The following TSPAN18 variants were observed in gnomAD, a reference collection of about 807,000 sequenced individuals.
The protein encoded by TSPAN18 is tetraspanin-18.
In TSPAN18, 14 loss-of-function variants were observed where a neutral mutation model predicts 27.3. The ratio of observed to expected loss-of-function variants is 0.51; its 90% CI spans 0.34 to 0.80. The LOEUF (loss-of-function observed/expected upper bound fraction) is 0.80. Among genes scored for constraint, TSPAN18 ranks in the 30% least tolerant of loss-of-function variants. The pLI is 0.01. For synonymous variants in TSPAN18, 143 were observed against 136.5 expected (o/e 1.05, Z -0.33); for missense variants, 268 against 323.9 (o/e 0.83, Z 1.32).
intron 3 of TSPAN18, among the ~76,000 whole-genome samples, chr11:44,897,285 T>C (rs997253960): frequency 2.0e-5 from 3 of 152,160 alleles, no homozygotes; most frequent in Non-Finnish European, 2.9e-5. Context: ...AGAAACACTT[T>C]CCAGCATCAA....
intron 8 of TSPAN18, among the ~76,000 whole-genome samples, chr11:44,921,245 C>T (rs1860122612): frequency 6.6e-6 from 1 of 152,236 alleles, no homozygotes; most frequent in Non-Finnish European, 1.5e-5. Flanking sequence ...TGGGGAGCAG[C>T]TGCAGGGCGG....
chr11:44,762,957 C>T (rs1485573640), intron 1 of TSPAN18, among the ~76,000 whole-genome samples: 1 of 152,194 alleles, frequency 6.6e-6, no homozygotes, highest in Admixed American at 6.5e-5. Flanking sequence ...CGGAAACCAA[C>T]ATCCCTCCCA....
chr11:44,773,542 T>A (rs941719648), intron 2 of TSPAN18, among the ~76,000 whole-genome samples: 7 of 152,218 alleles, frequency 4.6e-5, no homozygotes, highest in Admixed American at 1.3e-4. Flanking sequence ...TGTTTAGAAC[T>A]GTCAGCTTTT....
intron 2 of TSPAN18, among the ~76,000 whole-genome samples, chr11:44,860,031 A>G (rs1197549978): frequency 1.3e-5 from 2 of 152,154 alleles, no homozygotes; most frequent in East Asian, 3.9e-4. Context: ...CATTTGCTGA[A>G]CCTCCTCTCC....
At chr11:44,737,803 T>C (rs2134812143) in intron 1 of TSPAN18, among the ~76,000 whole-genome samples, 1 of 152,144 alleles carries the variant, frequency 6.6e-6, no homozygotes, top group African/African-American at 2.4e-5. Context: ...CCTACCTTCA[T>C]GAATGAATCT....
intron 2 of TSPAN18, among the ~76,000 whole-genome samples, chr11:44,810,965 G>T (rs1356134914): frequency 6.6e-6 from 1 of 152,110 alleles, no homozygotes; most frequent in African/African-American, 2.4e-5. Flanking sequence ...AGAACAGGCA[G>T]AAGCATGTTA....
chr11:44,749,094 G>A (rs562889521), intron 1 of TSPAN18, among the ~76,000 whole-genome samples: 1 of 152,340 alleles, frequency 6.6e-6, no homozygotes, highest in South Asian at 2.1e-4. Flanking sequence ...TGGTTCTTGA[G>A]CTAAGCTTTT....
chr11:44,742,446 C>A (rs1009091077), intron 1 of TSPAN18, among the ~76,000 whole-genome samples: 2 of 151,582 alleles, frequency 1.3e-5, no homozygotes, highest in African/African-American at 2.4e-5. Context: ...GTGCACTAGA[C>A]TTTTGCCGAA....
At chr11:44,891,417 G>T (rs1268651121) in intron 3 of TSPAN18, among the ~76,000 whole-genome samples, 1 of 152,146 alleles carries the variant, frequency 6.6e-6, no homozygotes, top group African/African-American at 2.4e-5. Flanking sequence ...ACAGGTCAGC[G>T]GAGAGTGGAC....
chr11:44,816,431 G>A (rs573557798), intron 2 of TSPAN18, among the ~76,000 whole-genome samples: 8 of 152,344 alleles, frequency 5.3e-5, no homozygotes, highest in Admixed American at 2.6e-4. Context: ...TGCTATGTGT[G>A]CTCTGGCACA....
chr11:44,846,234 C>G (rs1729789595), intron 2 of TSPAN18, among the ~76,000 whole-genome samples: 1 of 152,360 alleles, frequency 6.6e-6, no homozygotes, highest in East Asian at 1.9e-4. Flanking sequence ...GTGGCAGAAT[C>G]CGAACCAGAC....
At chr11:44,842,917 C>G (rs1590564197) in intron 2 of TSPAN18, among the ~76,000 whole-genome samples, 2 of 152,100 alleles carry the variant, frequency 1.3e-5, no homozygotes, top group South Asian at 4.2e-4. Flanking sequence ...TTCCCTTTTC[C>G]CTCCCCCTTC....
At chr11:44,754,806 G>A (rs1855294148) in intron 1 of TSPAN18, among the ~76,000 whole-genome samples, 1 of 152,204 alleles carries the variant, frequency 6.6e-6, no homozygotes, top group African/African-American at 2.4e-5. Context: ...GATAGTCCTT[G>A]TCCTTACCTC....
At chr11:44,827,534 A>G (rs1188532749) in intron 2 of TSPAN18, among the ~76,000 whole-genome samples, 1 of 152,196 alleles carries the variant, frequency 6.6e-6, no homozygotes, top group Non-Finnish European at 1.5e-5. Flanking sequence ...GGGTGTCTCC[A>G]GGTAGGTGAT....
At chr11:44,732,382 C>G (rs1396596760) in intron 1 of TSPAN18, among the ~76,000 whole-genome samples, 1 of 152,210 alleles carries the variant, frequency 6.6e-6, no homozygotes, top group Non-Finnish European at 1.5e-5. Flanking sequence ...AGTGAAGGCT[C>G]AGGAAGAATT....
chr11:44,799,124 C>T (rs944875750), intron 2 of TSPAN18, among the ~76,000 whole-genome samples: 11 of 151,604 alleles, frequency 7.3e-5, no homozygotes, highest in African/African-American at 1.2e-4. Context: ...TGGGGGCCAT[C>T]GGTGCAGAGA....
At chr11:44,776,384 G>A (rs1233258169) in intron 2 of TSPAN18, among the ~76,000 whole-genome samples, 3 of 152,212 alleles carry the variant, frequency 2.0e-5, no homozygotes, top group African/African-American at 7.2e-5. Flanking sequence ...TGCTGGCTGG[G>A]AGACCATTAA....
intron 1 of TSPAN18, among the ~76,000 whole-genome samples, chr11:44,749,301 A>T (rs1013342049): frequency 6.6e-5 from 10 of 152,234 alleles, no homozygotes; most frequent in African/African-American, 2.4e-4. Context: ...GTTGCTCAAG[A>T]TTGCTGGGAG....
At chr11:44,733,107 G>T (rs151306244) in intron 1 of TSPAN18, among the ~76,000 whole-genome samples, 45 of 152,298 alleles carry the variant, frequency 3.0e-4, no homozygotes, top group African/African-American at 1.1e-3. Context: ...ACCTTGGTCA[G>T]AACTGTCATC....
Sources: allele counts gnomAD v4.1 joint callset (sites outside exome capture counted in the v4.1 genomes callset), GRCh38; gene constraint gnomAD v4.1.1; transcripts MANE v1.5; gene names NCBI Gene and HGNC (gene_info 2026-07-23, HGNC 2026-07-21).